The following RHEX variants were observed in gnomAD, a reference collection of about 807,000 sequenced individuals.
RHEX encodes regulator of hemoglobinization and erythroid cell expansion protein.
RHEX carries 18 observed loss-of-function variants against 20.1 expected under a neutral mutation model. That is an observed-to-expected ratio of 0.90 (90% CI 0.62 to 1.33). RHEX has a LOEUF of 1.33. RHEX is among the 40% of genes most tolerant of loss of function. RHEX has a pLI of 0.00. For missense variants in RHEX, 192 were observed against 214.3 expected, an observed-to-expected ratio of 0.90 and a Z score of 0.65; for synonymous variants, 87 against 77.1, an observed-to-expected ratio of 1.13 and a Z score of -0.67.
chr1:206,098,826 A>T (rs1553288048), intron 3 of RHEX, among the ~76,000 whole-genome samples: 1 of 152,218 alleles, frequency 6.6e-6, no homozygotes, highest in African/African-American at 2.4e-5. Flanking sequence ...CACAACAGGG[A>T]ACAAAACAAA....
At chr1:206,061,551 G>A (rs1662311213) in intron 1 of RHEX, 1 of 152,244 alleles carries the variant, frequency 6.6e-6, no homozygotes. Context: ...TGTGCAGCAA[G>A]AACTCAGCAT....
At chr1:206,062,811 A>G (rs1662331839) in intron 1 of RHEX, among the ~76,000 whole-genome samples, 1 of 152,164 alleles carries the variant, frequency 6.6e-6, no homozygotes, top group Admixed American at 6.5e-5. Flanking sequence ...GATGACTGGA[A>G]CTTTACAATT....
At position 206,092,070 on chromosome 1, in the gene RHEX, CTCTT is replaced by C. The variant is rs371636212; in HGVS notation, c.-96-5649_-96-5646del. 3.9e-3 allele frequency among the ~76,000 whole-genome samples: 590 copies of C among 151,560 alleles called. 3 individuals carry two copies. The highest frequency in any genetic ancestry group is 6.6e-3 in the Non-Finnish European group (450 of 67,868). On this transcript the variant is annotated intron_variant, in intron 1 of 5. Coordinates refer to ENST00000331555, the MANE Select transcript of RHEX (RefSeq NM_001007544.4). ...TCTCTTTCTCTCTCTCTCTTTCTCT[CTCTT>C]TCTTTCTTTCTTTTCTTTCTTTTCT...
At chr1:206,062,785 C>T (rs545415280) in intron 1 of RHEX, among the ~76,000 whole-genome samples, 3 of 152,274 alleles carry the variant, frequency 2.0e-5, no homozygotes, top group Admixed American at 6.5e-5. Context: ...GAACAGCTCC[C>T]GTGGGAACTG....
chr1:206,067,080 C>G lies in RHEX; in HGVS notation c.-97+13815C>G, dbSNP rs1272693988. On this transcript the variant is annotated intron_variant, in intron 1 of 5. Transcript: ENST00000331555. This position sits in a 1 kb window ranked among gnomAD's most constrained non-coding sequence, Gnocchi z 4.6. ...GATCTGCTGAAGTCCATGGAAGGAT[C>G]TTCCAGTCTTTGTTTTTCAGATATT... is the stretch of plus-strand genomic sequence containing the variant. 2.0e-5 allele frequency among the ~76,000 whole-genome samples: 3 copies of G among 152,174 alleles called. No homozygotes were observed. Among genetic ancestry groups the G allele is most frequent in the Non-Finnish European group, 4.4e-5 (3 of 68,026 alleles).
chr1:206,095,047 A>C (rs1663037098), intron 1 of RHEX, among the ~76,000 whole-genome samples: 1 of 152,130 alleles, frequency 6.6e-6, no homozygotes, highest in Non-Finnish European at 1.5e-5. Context: ...GGGGGCTTTC[A>C]GGAGGCTCCA....
chr1:206,087,570 TCTC>T (rs1320628193), intron 1 of RHEX, among the ~76,000 whole-genome samples: 1 of 152,226 alleles, frequency 6.6e-6, no homozygotes, highest in African/African-American at 2.4e-5. Flanking sequence ...AATGGCATTT[TCTC>T]CTTCACACCA....
chr1:206,064,278 C>G (rs1302197213), intron 1 of RHEX, among the ~76,000 whole-genome samples: 2 of 145,136 alleles, frequency 1.4e-5, no homozygotes, highest in East Asian at 4.2e-4. Context: ...GTCAGCCCCC[C>G]GCCCGGCCAG....
At chr1:206,088,774 G>A (rs782374927) in intron 1 of RHEX, among the ~76,000 whole-genome samples, 24 of 152,128 alleles carry the variant, frequency 1.6e-4, no homozygotes, top group South Asian at 2.1e-4. Context: ...TGAGAAAGAA[G>A]TTTAATGACC....
chr1:206,089,291 C>T (rs181938982), intron 1 of RHEX, among the ~76,000 whole-genome samples: 3 of 152,204 alleles, frequency 2.0e-5, no homozygotes, highest in South Asian at 2.1e-4. Context: ...GATCCTCCCA[C>T]CTTTGCCTCC....
chr1:206,066,651 G>A (rs1662429460), intron 1 of RHEX, among the ~76,000 whole-genome samples: 1 of 152,208 alleles, frequency 6.6e-6, no homozygotes, highest in African/African-American at 2.4e-5. Context: ...AGGCAGGGAA[G>A]TGGAGCCTCT....
At chr1:206,085,799 T>G (rs543885068) in intron 1 of RHEX, among the ~76,000 whole-genome samples, 1 of 152,278 alleles carries the variant, frequency 6.6e-6, no homozygotes, top group Middle Eastern at 3.4e-3. Flanking sequence ...ACTCCTCTCA[T>G]TTTATAGACA....
intron 2 of RHEX, 63 bp from the exon 3 acceptor site, chr1:206,098,018 A>G: frequency 7.4e-7 from 1 of 1,347,586 alleles, no homozygotes; most frequent in Non-Finnish European, 1.1e-6. Flanking sequence ...GGACAGGGAT[A>G]GGTTTGCAAT....
chr1:206,079,942 T>TG (rs1302533434), intron 1 of RHEX, among the ~76,000 whole-genome samples: 31 of 152,214 alleles, frequency 2.0e-4, no homozygotes, highest in African/African-American at 7.5e-4. Context: ...CCTGAAAGCC[T>TG]GGTAGAGTGT....
At position 206,084,965 on chromosome 1, in the gene RHEX, C is replaced by G. The variant is rs982232587; in HGVS notation, c.-96-12768C>G. On this transcript the variant is annotated intron_variant, in intron 1 of 5. Coordinates refer to ENST00000331555, the MANE Select transcript of RHEX (RefSeq NM_001007544.4). ...CCCTCCTAATAATTCTGAGCTCCCC[C>G]CAACCCCCGGGTTGGAGAGATGGAG... Among the ~76,000 whole-genome samples, 19 of 152,192 alleles carry G rather than the reference C, an allele frequency of 1.2e-4. No individual in the cohort carries two copies. The South Asian group carries it at 2.3e-3, about 18-fold the overall frequency.
chr1:206,090,423 T>C (rs1553286908), intron 1 of RHEX, among the ~76,000 whole-genome samples: 2 of 151,982 alleles, frequency 1.3e-5, no homozygotes, highest in Non-Finnish European at 2.9e-5. Context: ...GCCAGGCTGG[T>C]CTCGAACTCT....
intron 1 of RHEX, among the ~76,000 whole-genome samples, chr1:206,092,781 T>C (rs952039651): frequency 2.0e-5 from 3 of 152,230 alleles, no homozygotes; most frequent in Non-Finnish European, 4.4e-5. Context: ...TTGTGTTTCC[T>C]CCTTTTCTTG....
intron 1 of RHEX, among the ~76,000 whole-genome samples, chr1:206,080,982 T>C (rs1035921955): frequency 1.2e-4 from 18 of 149,798 alleles, no homozygotes; most frequent in African/African-American, 2.9e-4. Flanking sequence ...TTTTTGTACA[T>C]ACACACACAC....
intron 1 of RHEX, among the ~76,000 whole-genome samples, chr1:206,076,157 C>CTT (rs76616915): frequency 7.0e-6 from 1 of 143,284 alleles, no homozygotes. Context: ...ACCAGGGAGT[C>CTT]TTTTTTTTTT....
Sources: gnomAD v4.1 joint callset for allele counts (sites outside exome capture counted in the v4.1 genomes callset) on GRCh38, gnomAD v4.1.1 for gene constraint, Gnocchi (gnomAD v3.1) non-coding constraint, MANE v1.5 for transcripts, NCBI Gene and HGNC (gene_info 2026-07-23, HGNC 2026-07-21) for gene names.